ST8SIA5: variants seen among roughly 807,000 people sequenced by gnomAD.
ST8SIA5 encodes the protein alpha-2,8-sialyltransferase 8E.
In ST8SIA5, 24 loss-of-function variants were observed where a neutral mutation model predicts 40.2. That is an observed-to-expected ratio of 0.60 (90% confidence interval 0.43 to 0.84). The LOEUF is 0.84. Among genes scored for constraint, ST8SIA5 ranks in the 40% least tolerant of loss-of-function variants. ST8SIA5 has a pLI of 0.00. For missense variants in ST8SIA5, 465 were observed against 498.5 expected (o/e 0.93, Z 0.64); for synonymous variants, 198 against 201.8 (o/e 0.98, Z 0.16).
Position 46,756,516 on chromosome 18 carries a change from A to G in ST8SIA5, c.-8T>C. The G allele has an allele frequency of 6.2e-7, 1 of 1,611,704 alleles. No homozygotes were observed. Among genetic ancestry groups the G allele is most frequent in the Non-Finnish European group, 8.5e-7 (1 of 1,178,618 alleles). On this transcript the variant is annotated 5_prime_UTR_variant, in exon 1 of 7. Transcript: ENST00000315087. Reference sequence around the variant, plus strand: ...GGGGTCCGCGTAGCGCATCCTGGCTACCGGGCGCCGCGGGCGCGGGGTACG... The same window carrying G: ...GGGGTCCGCGTAGCGCATCCTGGCTGCCGGGCGCCGCGGGCGCGGGGTACG...
At chr18:46,685,619 C>T (rs950308612) in intron 5 of ST8SIA5, among the ~76,000 whole-genome samples, 2 of 152,156 alleles carry the variant, frequency 1.3e-5, no homozygotes, top group African/African-American at 2.4e-5. Context: ...ATGCTTCATG[C>T]GACCCCACTG....
At chr18:46,750,316 C>A (rs988685730) in intron 1 of ST8SIA5, among the ~76,000 whole-genome samples, 12 of 152,050 alleles carry the variant, frequency 7.9e-5, no homozygotes, top group African/African-American at 2.9e-4. Context: ...AGTGTAAACA[C>A]CTGAAGTTGT....
chr18:46,680,272 T>A lies in ST8SIA5; in HGVS notation c.901A>T (p.Thr301Ser). Residue 301 changes from threonine to serine, a missense_variant, in exon 7 of 7, where the codon ACC becomes TCC. Transcript: ENST00000315087. ...SLGVRAKRIS[T>S]GLILVTAALE... is the part of the protein sequence containing the mutation. Reference sequence around the variant, plus strand: ...GCCGCAGTGACCAGAATGAGGCCGGTGCTGATGCGCTTGGCGCGCACCCCC... The same window carrying A: ...GCCGCAGTGACCAGAATGAGGCCGGAGCTGATGCGCTTGGCGCGCACCCCC... The A allele has an allele frequency of 1.2e-6, 2 of 1,614,224 alleles. No individual in the cohort carries two copies. The highest frequency in any genetic ancestry group is 1.1e-5 in the South Asian group (1 of 91,090).
intron 1 of ST8SIA5, among the ~76,000 whole-genome samples, chr18:46,735,379 G>A (rs2040024079): frequency 6.6e-6 from 1 of 152,126 alleles, no homozygotes; most frequent in African/African-American, 2.4e-5. Context: ...AGAGAACCCT[G>A]ACTAATACAG....
In ST8SIA5 at chr18:46,672,661, G is replaced by A. The variant is rs1008055436; in HGVS notation, c.*7381C>T. 6.6e-6 allele frequency: 1 copy of A among 152,084 alleles called. No individual in the cohort carries two copies. The highest frequency in any genetic ancestry group is 1.5e-5 in the Non-Finnish European group (1 of 68,020). 9.4% of individuals were successfully genotyped at this position (152,084 alleles called of 1,614,324 possible). On this transcript the variant is annotated 3_prime_UTR_variant, in exon 7 of 7. Coordinates refer to ENST00000315087, the MANE Select transcript of ST8SIA5 (RefSeq NM_013305.6). ...AAGGTTCTCAGAAGAGACTGTGCAG[G>A]GGAAAATACCTAAAGACTTCTAAAA...
At chr18:46,725,793 C>T (rs1187641022) in intron 1 of ST8SIA5, among the ~76,000 whole-genome samples, 1 of 150,290 alleles carries the variant, frequency 6.7e-6, no homozygotes, top group Non-Finnish European at 1.5e-5. Flanking sequence ...ATGAGGAAGG[C>T]CTGTGGAGGT....
intron 1 of ST8SIA5, among the ~76,000 whole-genome samples, chr18:46,725,994 T>A (rs1441100537): frequency 3.0e-4 from 21 of 69,002 alleles, no homozygotes; most frequent in East Asian, 9.4e-4. Flanking sequence ...TATATATATA[T>A]ATATATATAT....
chr18:46,682,127 G>A (rs2144460647), intron 5 of ST8SIA5, 63 bp from the exon 6 acceptor site: 4 of 1,319,342 alleles, frequency 3.0e-6, no homozygotes, highest in East Asian at 2.4e-5. Flanking sequence ...TGGGGAGGGT[G>A]CAGGGGGAGG....
chr18:46,754,644 G>C (rs539653876), intron 1 of ST8SIA5, among the ~76,000 whole-genome samples: 1 of 152,384 alleles, frequency 6.6e-6, no homozygotes, highest in African/African-American at 2.4e-5. Flanking sequence ...GGGAGGAAGG[G>C]AAGCACCTTG....
chr18:46,723,759 C>G (rs1219018550), intron 1 of ST8SIA5, among the ~76,000 whole-genome samples: 4 of 151,928 alleles, frequency 2.6e-5, no homozygotes, highest in Admixed American at 6.6e-5. Context: ...AACCCTGTCT[C>G]TACTAAAAAT....
intron 1 of ST8SIA5, among the ~76,000 whole-genome samples, chr18:46,726,256 C>G (rs1430796942): frequency 6.6e-6 from 1 of 151,498 alleles, no homozygotes; most frequent in Non-Finnish European, 1.5e-5. Flanking sequence ...ATTTTATTCA[C>G]TCATTCATTT....
intron 1 of ST8SIA5, among the ~76,000 whole-genome samples, chr18:46,710,435 CTTTT>C (rs1235278305): frequency 2.9e-5 from 4 of 139,922 alleles, no homozygotes; most frequent in Non-Finnish European, 6.3e-5. Flanking sequence ...CTCTCTCTTT[CTTTT>C]TCTTTTTCTT....
chr18:46,684,974 C>G (rs970408514), intron 5 of ST8SIA5, among the ~76,000 whole-genome samples: 2 of 152,130 alleles, frequency 1.3e-5, no homozygotes, highest in African/African-American at 2.4e-5. Context: ...GCATTCCAGG[C>G]AGAGGGAACA....
At chr18:46,726,555 A>C (rs2039931857) in intron 1 of ST8SIA5, among the ~76,000 whole-genome samples, 2 of 152,102 alleles carry the variant, frequency 1.3e-5, no homozygotes, top group Admixed American at 1.3e-4. Context: ...TCATGACTGC[A>C]TGAATGTTTG....
At chr18:46,743,400 A>G (rs2040106278) in intron 1 of ST8SIA5, among the ~76,000 whole-genome samples, 1 of 152,220 alleles carries the variant, frequency 6.6e-6, no homozygotes, top group African/African-American at 2.4e-5. Context: ...ACTATGGTAC[A>G]AGAACTTCGT....
intron 1 of ST8SIA5, among the ~76,000 whole-genome samples, chr18:46,751,588 G>C (rs1360315533): frequency 6.6e-6 from 1 of 151,902 alleles, no homozygotes; most frequent in Non-Finnish European, 1.5e-5. Flanking sequence ...GTAGAGACAG[G>C]GTTTCACCAT....
At chr18:46,728,213 T>C (rs1423674098) in intron 1 of ST8SIA5, among the ~76,000 whole-genome samples, 1 of 149,674 alleles carries the variant, frequency 6.7e-6, no homozygotes, top group African/African-American at 2.5e-5. Context: ...AAAAAAACTA[T>C]AGAGTATTAT....
chr18:46,705,225 T>C (rs1472399923), intron 1 of ST8SIA5, among the ~76,000 whole-genome samples: 1 of 152,218 alleles, frequency 6.6e-6, no homozygotes, highest in African/African-American at 2.4e-5. Context: ...ACTGTCCGTG[T>C]AGGGCAGGAC....
At chr18:46,753,590 A>G (rs1447279962) in intron 1 of ST8SIA5, among the ~76,000 whole-genome samples, 1 of 151,654 alleles carries the variant, frequency 6.6e-6, no homozygotes, top group Non-Finnish European at 1.5e-5. Context: ...AAAAAAAAAG[A>G]AAGAAAAAGA....
Sources: gnomAD v4.1 joint callset for allele counts (sites outside exome capture counted in the v4.1 genomes callset) on GRCh38, gnomAD v4.1.1 for gene constraint, MANE v1.5 for transcripts, NCBI Gene and HGNC (gene_info 2026-07-23, HGNC 2026-07-21) for gene names.